The following ELOA2 variants were observed in gnomAD, a reference collection of about 807,000 sequenced individuals.
ELOA2 encodes the protein elongin A2, also known as elongin-A2.
For synonymous variants in ELOA2, 497 were observed against 398.8 expected, an observed-to-expected ratio of 1.25 and a Z score of -2.94; for missense variants, 1,271 against 979.7, an observed-to-expected ratio of 1.30 and a Z score of -3.97.
At position 47,032,698 on chromosome 18, in the gene ELOA2, C is replaced by A. The variant is rs929335684; in HGVS notation, c.*305G>T. 5 of 445,400 alleles carry A rather than the reference C, an allele frequency of 1.1e-5. No individual in the cohort carries two copies. The highest frequency in any genetic ancestry group is 4.2e-5 in the East Asian group (1 of 23,982). 27.6% of individuals were successfully genotyped at this position (445,400 alleles called of 1,614,324 possible). On this transcript the variant is annotated 3_prime_UTR_variant, in exon 1 of 1. Coordinates refer to ENST00000332567, the MANE Select transcript of ELOA2 (RefSeq NM_016427.3). ...AGAAAGGAAAAAGGAAATCTCACAT[C>A]TTTTTCCTTATTTATGATTACAACT...
Position 47,034,984 on chromosome 18 carries a change from G to T in ELOA2, c.281C>A (p.Ala94Asp). The change falls in exon 1 of 1, where the codon GCT becomes GAT. Residue 94 changes from alanine (A) to aspartate (D), a missense_variant. By Grantham distance (126) the Ala-to-Asp change is moderately radical (BLOSUM62 -2). Coordinates refer to ENST00000332567, the MANE Select transcript of ELOA2 (RefSeq NM_016427.3). The part of the protein sequence containing the change: ...RPGPQDPEES[A>D]SRQRFGEALQ... ...AGCCTCCCCGAAGCGCTGTCGGGAA[G>T]CGCTCTCCTCAGGGTCCTGTGGGCC... is the stretch of plus-strand genomic sequence containing the variant. 1 of 1,611,674 alleles carries T rather than the reference G, an allele frequency of 6.2e-7. No homozygotes were observed. Among genetic ancestry groups the T allele is most frequent in the Non-Finnish European group, 8.5e-7 (1 of 1,179,580 alleles).
Position 47,033,038 on chromosome 18 carries a change from T to C in ELOA2, c.2227A>G (p.Ile743Val), listed in dbSNP as rs2060553821. The C allele has an allele frequency of 6.2e-7, 1 of 1,614,060 alleles. No individual in the cohort carries two copies. The change falls in exon 1 of 1, where the codon ATT becomes GTT. Residue 743 changes from isoleucine (I) to valine (V), a missense_variant. Coordinates refer to ENST00000332567, the MANE Select transcript of ELOA2 (RefSeq NM_016427.3). ...KKVAPLMAKA[I>V]RDYKRRFSRR ...GAGAATCTTCTCTTGTAGTCTCGAA[T>C]TGCCTTGGCCATCAGCGGGGCCACT...
At position 47,035,028 on chromosome 18, in the gene ELOA2, C is replaced by G; in HGVS notation, c.237G>C (p.Val79=). Residue 79 remains valine (V), a synonymous_variant, in exon 1 of 1, where the codon GTG becomes GTC. Transcript: ENST00000332567. Reference sequence around the variant, plus strand: ...GTGGGCCAGGCCGGGTGTTTCGGTCCACGAGCACCAGCTTCTTCCACCGGG... The same window carrying G: ...GTGGGCCAGGCCGGGTGTTTCGGTCGACGAGCACCAGCTTCTTCCACCGGG... ...LAARWKKLVL[V]DRNTRPGPQD... 1 of 1,611,758 alleles carries G rather than the reference C, an allele frequency of 6.2e-7. No homozygotes were observed. Among genetic ancestry groups the G allele is most frequent in the Non-Finnish European group, 8.5e-7 (1 of 1,179,674 alleles).
At chr18:47,033,886 G>C in the ELOA2 span, 1 of 1,613,786 alleles carries the variant, frequency 6.2e-7, no homozygotes, top group Non-Finnish European at 8.5e-7. Flanking sequence ...CCAGAGCTCT[G>C]AGAAGACATG....
In ELOA2 at chr18:47,033,130, G is replaced by A. The variant is rs773426243; in HGVS notation, c.2135C>T (p.Pro712Leu). ...GTGCTCATTGCTGCTGCTCAGGCAG[G>A]GGTTGGCCCGCTTCTCAGGGAGCCA... ...LRWLPEKRAN[P>L]CLSSSNEHAA... Residue 712 changes from proline to leucine, a missense_variant, in exon 1 of 1, where the codon CCC becomes CTC. Coordinates refer to ENST00000332567, the MANE Select transcript of ELOA2 (RefSeq NM_016427.3). 6.2e-6 allele frequency: 10 copies of A among 1,614,090 alleles called. No individual in the cohort carries two copies. The Admixed American group carries it at 1.7e-4, about 27-fold the overall frequency.
chr18:47,034,311 G>A lies in ELOA2; in HGVS notation c.954C>T (p.Pro318=). The change falls in exon 1 of 1, where the codon CCC becomes CCT. Residue 318 remains proline (P), a synonymous_variant. Coordinates refer to ENST00000332567, the MANE Select transcript of ELOA2 (RefSeq NM_016427.3). ...TTCCTGGGTCCCGGCCGTCTAGACT[G>A]GGCCTCTTCTTGTTCGAGTGACTGT... is the stretch of plus-strand genomic sequence containing the variant. ...PQHSHSNKKR[P]SLDGRDPGNG... 1 of 1,613,052 alleles carries A rather than the reference G, an allele frequency of 6.2e-7. No homozygotes were observed. The highest frequency in any genetic ancestry group is 8.5e-7 in the Non-Finnish European group (1 of 1,179,098).
In ELOA2 at chr18:47,034,534, T is replaced by A. The variant is rs1599584467; in HGVS notation, c.731A>T (p.His244Leu). Residue 244 changes from histidine to leucine, a missense_variant, in exon 1 of 1, where the codon CAC becomes CTC. His to Leu is a moderately conservative substitution (Grantham distance 99). Transcript: ENST00000332567. ...TTTCTCCCTGATCAAAGTAGGGGAG[T>A]GCCAATCTCCCTGGGCACACAAGGG... is the stretch of plus-strand genomic sequence containing the variant. ...KRPLCAQGDW[H>L]SPTLIREKSC... 2 of 1,614,136 alleles carry A rather than the reference T, an allele frequency of 1.2e-6. No homozygotes were observed. Among genetic ancestry groups the A allele is most frequent in the African/African-American group, 1.3e-5 (1 of 75,056 alleles).
chr18:47,033,653 T>A, the ELOA2 span: 6 of 1,614,212 alleles, frequency 3.7e-6, no homozygotes, highest in Non-Finnish European at 5.1e-6. Flanking sequence ...GGATTGTTTC[T>A]AAGCACCTGG....
chr18:47,033,074 C>G lies in ELOA2; in HGVS notation c.2191G>C (p.Ala731Pro). The G allele has an allele frequency of 6.2e-7, 1 of 1,614,132 alleles. No homozygotes were observed. The highest frequency in any genetic ancestry group is 8.5e-7 in the Non-Finnish European group (1 of 1,180,034). Residue 731 changes from alanine to proline, a missense_variant, in exon 1 of 1, where the codon GCT becomes CCT. By Grantham distance (27) the Ala-to-Pro change is conservative. Coordinates refer to ENST00000332567, the MANE Select transcript of ELOA2 (RefSeq NM_016427.3). ...AAPAAKTRKQ[A>P]AKKVAPLMAK... Reference sequence around the variant, plus strand: ...ATCAGCGGGGCCACTTTCTTGGCAGCCTGTTTCCGGGTTTTGGCCGCGGGC... The same window carrying G: ...ATCAGCGGGGCCACTTTCTTGGCAGGCTGTTTCCGGGTTTTGGCCGCGGGC...
At position 47,033,934 on chromosome 18, in the gene ELOA2, G is replaced by T. The variant is rs1238485705; in HGVS notation, c.1331C>A (p.Ala444Asp). The stretch of plus-strand genomic sequence containing the variant: ...TTTCGGCCCGGCGGAATCAGCGCCG[G>T]CCGCCTGCAGCCTCTCTGACTGGCT... ...QESQSERLQA[A>D]GADSAGPKTV... Residue 444 changes from alanine (A) to aspartate (D), a missense_variant, in exon 1 of 1, where the codon GCC becomes GAC. Transcript: ENST00000332567. 1.2e-6 allele frequency: 2 copies of T among 1,612,744 alleles called. No homozygotes were observed. Among genetic ancestry groups the T allele is most frequent in the Non-Finnish European group, 1.7e-6 (2 of 1,180,040 alleles).
rs2060630959 is a variant in ELOA2 at position 47,034,047 on chromosome 18, T to G, written c.1218A>C (p.Ala406=). Residue 406 remains alanine, a synonymous_variant, in exon 1 of 1, where the codon GCA becomes GCC. Transcript: ENST00000332567. ...TTGCTTTCCTTTGTTTATCTCCAAG[T>G]GCAGTGGTGGCAGATTTTCCAGTCT... ...KKKTGKSATT[A]LGDKQRKANE... 6.2e-7 allele frequency: 1 copy of G among 1,614,194 alleles called. No individual in the cohort carries two copies. Among genetic ancestry groups the G allele is most frequent in the East Asian group, 2.2e-5 (1 of 44,870 alleles).
At position 47,034,496 on chromosome 18, in the gene ELOA2, A is replaced by C. The variant is rs2060659218; in HGVS notation, c.769T>G (p.Cys257Gly). Residue 257 changes from cysteine to glycine, a missense_variant, in exon 1 of 1, where the codon TGC becomes GGC. Cys to Gly is a radical substitution (Grantham distance 159). Transcript: ENST00000332567. ...ATCCTTGGGGTTTCCTCTCTTAAGC[A>C]GGCCCCGCATGATTTCTCCCTGATC... ...TLIREKSCGA[C>G]LREETPRMPS... 1 of 1,614,152 alleles carries C rather than the reference A, an allele frequency of 6.2e-7. No homozygotes were observed. Among genetic ancestry groups the C allele is most frequent in the Non-Finnish European group, 8.5e-7 (1 of 1,180,016 alleles).
rs1162531677 is a variant in ELOA2 at position 47,033,791 on chromosome 18, G to A, written c.1474C>T (p.Leu492Phe). 1.2e-6 allele frequency: 2 copies of A among 1,614,200 alleles called. No individual in the cohort carries two copies. Among genetic ancestry groups the A allele is most frequent in the South Asian group, 1.1e-5 (1 of 91,084 alleles). Reference sequence around the variant, plus strand: ...TCCTCCCGGAACTTTGGTGAAGAGAGTGCTTCTGGCTTTGCCTGGGAGGTC... The same window carrying A: ...TCCTCCCGGAACTTTGGTGAAGAGAATGCTTCTGGCTTTGCCTGGGAGGTC... ...SMTSQAKPEA[L>F]SSPKFREEAA... The change falls in exon 1 of 1, where the codon CTC becomes TTC. Residue 492 changes from leucine (L) to phenylalanine (F), a missense_variant. By Grantham distance (22) the Leu-to-Phe change is conservative. Coordinates refer to ENST00000332567, the MANE Select transcript of ELOA2 (RefSeq NM_016427.3).
Position 47,033,140 on chromosome 18 carries a change from G to T in ELOA2, c.2125C>A (p.Arg709=), listed in dbSNP as rs1249702802. 4.3e-6 allele frequency: 7 copies of T among 1,614,068 alleles called. No individual in the cohort carries two copies. In the East Asian group the frequency reaches 1.3e-4, roughly 31 times the overall value. Reference sequence around the variant, plus strand: ...CTGCTGCTCAGGCAGGGGTTGGCCCGCTTCTCAGGGAGCCAGCGAAGGATG... The same window carrying T: ...CTGCTGCTCAGGCAGGGGTTGGCCCTCTTCTCAGGGAGCCAGCGAAGGATG... ...SSILRWLPEK[R]ANPCLSSSNE... Residue 709 remains arginine, a synonymous_variant, in exon 1 of 1, where the codon CGG becomes AGG. Transcript: ENST00000332567.
In ELOA2 at chr18:47,034,387, C is replaced by A. The variant is rs1472483563; in HGVS notation, c.878G>T (p.Arg293Leu). ...TGGAGCCTCCTCCAAGGCAGGGACACGCTGGCCGCTGCCAGCTTGCCCCCC... is the reference window on the plus strand; with the variant it reads ...TGGAGCCTCCTCCAAGGCAGGGACAAGCTGGCCGCTGCCAGCTTGCCCCCC... ...KEGGQAGSGQ[R>L]VPALEEAPDS... Residue 293 changes from arginine to leucine, a missense_variant, in exon 1 of 1, where the codon CGT (arginine) becomes CTT (leucine). By Grantham distance (102) the Arg-to-Leu change is moderately radical (BLOSUM62 -2). Coordinates refer to ENST00000332567, the MANE Select transcript of ELOA2 (RefSeq NM_016427.3). The A allele has an allele frequency of 1.2e-6, 2 of 1,614,050 alleles. No individual in the cohort carries two copies. Among genetic ancestry groups the A allele is most frequent in the Non-Finnish European group, 1.7e-6 (2 of 1,180,042 alleles).
At position 47,034,481 on chromosome 18, in the gene ELOA2, T is replaced by C; in HGVS notation, c.784A>G (p.Thr262Ala). ...KSCGACLREE[T>A]PRMPSWASAR... Reference sequence around the variant, plus strand: ...CTTGCCCAGGAGGGCATCCTTGGGGTTTCCTCTCTTAAGCAGGCCCCGCAT... The same window carrying C: ...CTTGCCCAGGAGGGCATCCTTGGGGCTTCCTCTCTTAAGCAGGCCCCGCAT... The change falls in exon 1 of 1, where the codon ACC becomes GCC. Residue 262 changes from threonine (T) to alanine (A), a missense_variant. By Grantham distance (58) the Thr-to-Ala change is moderately conservative (BLOSUM62 0). Coordinates refer to ENST00000332567, the MANE Select transcript of ELOA2 (RefSeq NM_016427.3). 1.2e-6 allele frequency: 2 copies of C among 1,614,086 alleles called. No homozygotes were observed. Among genetic ancestry groups the C allele is most frequent in the Non-Finnish European group, 1.7e-6 (2 of 1,180,002 alleles).
chr18:47,032,801 G>C lies in ELOA2; in HGVS notation c.*202C>G, dbSNP rs2060536392. 1 of 893,442 alleles carries C rather than the reference G, an allele frequency of 1.1e-6. No homozygotes were observed. Among genetic ancestry groups the C allele is most frequent in the Non-Finnish European group, 1.7e-6 (1 of 593,410 alleles). 55.3% of individuals were successfully genotyped at this position (893,442 alleles called of 1,614,324 possible). ...GCGTTCATATCTTCTGAATTCTGAG[G>C]TGTTCTCCAAGCTGGGAGGTAGTGG... On this transcript the variant is annotated 3_prime_UTR_variant, in exon 1 of 1. Coordinates refer to ENST00000332567, the MANE Select transcript of ELOA2 (RefSeq NM_016427.3).
rs1276776670 is a variant in ELOA2, at chr18:47,035,149, A to G, written c.116T>C (p.Met39Thr). ...AGTCTCCGCCAGGATGTCTGCCGTCATGGGCAAGGCGGAGAGTTTCTGCAA... is the reference window on the plus strand; with the variant it reads ...AGTCTCCGCCAGGATGTCTGCCGTCGTGGGCAAGGCGGAGAGTTTCTGCAA... The part of the protein sequence containing the change: ...KYLQKLSALP[M>T]TADILAETGI... The change falls in exon 1 of 1, where the codon ATG becomes ACG. Residue 39 changes from methionine (M) to threonine (T), a missense_variant. Physicochemically the swap from Met to Thr is moderately conservative, Grantham distance 81 (BLOSUM62 -1). Coordinates refer to ENST00000332567, the MANE Select transcript of ELOA2 (RefSeq NM_016427.3). 2.5e-6 allele frequency: 4 copies of G among 1,611,802 alleles called. No homozygotes were observed. The highest frequency in any genetic ancestry group is 3.4e-6 in the Non-Finnish European group (4 of 1,179,800).
Position 47,033,792 on chromosome 18 carries a change from T to A in ELOA2, c.1473A>T (p.Ala491=). The A allele has an allele frequency of 6.2e-7, 1 of 1,614,162 alleles. No homozygotes were observed. Among genetic ancestry groups the A allele is most frequent in the Non-Finnish European group, 8.5e-7 (1 of 1,180,042 alleles). The part of the protein sequence containing the change: ...DSMTSQAKPE[A]LSSPKFREEA... ...CCTCCCGGAACTTTGGTGAAGAGAGTGCTTCTGGCTTTGCCTGGGAGGTCA... is the reference window on the plus strand; with the variant it reads ...CCTCCCGGAACTTTGGTGAAGAGAGAGCTTCTGGCTTTGCCTGGGAGGTCA... The change falls in exon 1 of 1, where the codon GCA becomes GCT. Residue 491 remains alanine, a synonymous_variant. Coordinates refer to ENST00000332567, the MANE Select transcript of ELOA2 (RefSeq NM_016427.3).
Sources: gnomAD v4.1 joint callset for allele counts on GRCh38, gnomAD v4.1.1 for gene constraint, MANE v1.5 for transcripts, NCBI Gene and HGNC (gene_info 2026-07-23, HGNC 2026-07-21) for gene names.